The following FRMPD4 variants were observed in gnomAD, a reference collection of about 807,000 sequenced individuals.
The protein encoded by FRMPD4 is FERM and PDZ domain containing 4, also known as FERM and PDZ domain-containing protein 4.
A neutral mutation model predicts 94.1 loss-of-function variants in FRMPD4; 22 were observed. That is an observed-to-expected ratio of 0.23 (90% CI 0.17 to 0.33). The LOEUF (loss-of-function observed/expected upper bound fraction) is 0.33. FRMPD4 is among the 10% of genes least tolerant of loss of function. The probability of loss-of-function intolerance (pLI) is 1.00; values close to 1 mark genes in which losing one functional copy is unlikely to be tolerated. For synonymous variants in FRMPD4, 631 were observed against 548.6 expected (o/e 1.15, Z -2.10); for missense variants, 1,111 against 1,339.9 (o/e 0.83, Z 2.67).
At chrX:12,517,739 G>T (rs965860019) in intron 2 of FRMPD4, among the ~76,000 whole-genome samples, 3 of 112,593 alleles carry the variant, frequency 2.7e-5, no homozygotes, top group Non-Finnish European at 5.6e-5. Flanking sequence ...TGGCAGAGGG[G>T]GTGTGCCGCA....
chrX:12,461,094 A>C (rs770524017), intron 1 of FRMPD4, among the ~76,000 whole-genome samples: 4 of 112,020 alleles, frequency 3.6e-5, no homozygotes, highest in Admixed American at 9.5e-5. Flanking sequence ...AGCTTAAAGC[A>C]TGACCTATAT....
intron 1 of FRMPD4, among the ~76,000 whole-genome samples, chrX:12,202,308 A>C (rs1349000132): frequency 1.8e-5 from 2 of 112,301 alleles, no homozygotes; most frequent in African/African-American, 6.5e-5. Flanking sequence ...GTGCATGTTG[A>C]TGTCAAAATG....
chrX:11,858,716 A>T (rs1251679938), intron 1 of FRMPD4, among the ~76,000 whole-genome samples: 2 of 111,751 alleles, frequency 1.8e-5, no homozygotes, highest in Non-Finnish European at 3.8e-5. Context: ...AAGAAATAAG[A>T]ATGCTTATTA....
At chrX:11,845,429 C>T (rs1458681521) in intron 1 of FRMPD4, among the ~76,000 whole-genome samples, 1 of 111,044 alleles carries the variant, frequency 9.0e-6, no homozygotes, top group Middle Eastern at 4.2e-3. Flanking sequence ...GATGGATTCA[C>T]AGCCGAATTC....
At chrX:12,670,024 T>C (rs2059823047) in intron 4 of FRMPD4, among the ~76,000 whole-genome samples, 1 of 112,341 alleles carries the variant, frequency 8.9e-6, no homozygotes. Context: ...TCCAGGGCCT[T>C]GCCTGCTCCT....
chrX:11,848,523 T>C (rs1189814230), intron 1 of FRMPD4, among the ~76,000 whole-genome samples: 2 of 109,998 alleles, frequency 1.8e-5, no homozygotes, highest in African/African-American at 6.6e-5. Context: ...TTTTTTTTTT[T>C]CATTAGGTCC....
chrX:12,098,597 T>A (rs991428977), intron 3 of FRMPD4, among the ~76,000 whole-genome samples: 1 of 112,029 alleles, frequency 8.9e-6, no homozygotes, highest in Non-Finnish European at 1.9e-5. Context: ...GATCAGATGG[T>A]TTATGTTTGC....
At chrX:11,975,678 C>T (rs1253949080) in intron 3 of FRMPD4, among the ~76,000 whole-genome samples, 3 of 111,219 alleles carry the variant, frequency 2.7e-5, no homozygotes, top group Non-Finnish European at 5.7e-5. Flanking sequence ...TGTAATTCTT[C>T]GTTAAAAATA....
At chrX:12,334,117 C>T (rs1232806155) in intron 1 of FRMPD4, among the ~76,000 whole-genome samples, 1 of 111,954 alleles carries the variant, frequency 8.9e-6, no homozygotes, top group Non-Finnish European at 1.9e-5. Flanking sequence ...CCCTGTAAAA[C>T]ACAAAATATT....
intron 1 of FRMPD4, among the ~76,000 whole-genome samples, chrX:12,185,089 A>T (rs1040644771): frequency 8.9e-6 from 1 of 111,754 alleles, no homozygotes; most frequent in African/African-American, 3.2e-5. Flanking sequence ...TGCCTGTATC[A>T]AAACATCTCA....
rs189093482 is a variant in FRMPD4 at position 12,015,711 on chromosome X, C to A, written c.95+137693C>A. On this transcript the variant is annotated intron_variant, in intron 3 of 18. Coordinates refer to the FRMPD4 transcript ENST00000640291. Reference sequence around the variant, plus strand: ...ATACAGTTAGTCTTCAAGGGATGTTCTTTAGAATAGCAAGAAATACAGCTG... The same window carrying A: ...ATACAGTTAGTCTTCAAGGGATGTTATTTAGAATAGCAAGAAATACAGCTG... 2.5e-3 allele frequency among the ~76,000 whole-genome samples: 285 copies of A among 112,226 alleles called. 1 individual carries two copies. Among genetic ancestry groups the A allele is most frequent in the African/African-American group, 8.9e-3 (275 of 30,953 alleles).
At chrX:12,157,557 C>A (rs756725912) in intron 1 of FRMPD4, among the ~76,000 whole-genome samples, 47 of 111,763 alleles carry the variant, frequency 4.2e-4, no homozygotes, top group South Asian at 2.3e-3. Context: ...TCCCCGTAAC[C>A]ACAGGTGTCA....
At chrX:12,698,619 A>G (rs1681958823) in intron 9 of FRMPD4, among the ~76,000 whole-genome samples, 2 of 108,959 alleles carry the variant, frequency 1.8e-5, no homozygotes, top group Admixed American at 9.7e-5. Context: ...CCAAATATAT[A>G]TATATTTGGA....
intron 1 of FRMPD4, among the ~76,000 whole-genome samples, chrX:12,386,674 T>C (rs990448033): frequency 1.8e-5 from 2 of 112,067 alleles, no homozygotes; most frequent in Non-Finnish European, 3.8e-5. Context: ...GTTTACCTAA[T>C]ATGTCACTGG....
intron 1 of FRMPD4, among the ~76,000 whole-genome samples, chrX:12,464,245 A>C (rs2057426080): frequency 8.9e-6 from 1 of 111,800 alleles, no homozygotes; most frequent in African/African-American, 3.3e-5. Context: ...GGGAGACCTC[A>C]TAGCCAGGCC....
At chrX:12,571,453 TC>T (rs1246837432) in intron 2 of FRMPD4, among the ~76,000 whole-genome samples, 3 of 112,724 alleles carry the variant, frequency 2.7e-5, no homozygotes, top group African/African-American at 9.7e-5. Flanking sequence ...CCTGCCTGTT[TC>T]CCCTTTCTCC....
intron 3 of FRMPD4, among the ~76,000 whole-genome samples, chrX:12,011,577 T>G (rs2054580596): frequency 8.9e-6 from 1 of 111,949 alleles, no homozygotes; most frequent in South Asian, 3.7e-4. Flanking sequence ...CAAGCAACCT[T>G]GAAGTACTGG....
chrX:12,428,410 A>G (rs779377777), intron 1 of FRMPD4, among the ~76,000 whole-genome samples: 1 of 111,863 alleles, frequency 8.9e-6, no homozygotes, highest in African/African-American at 3.2e-5. Context: ...AATTTTCACC[A>G]GGGTCTAACA....
chrX:12,512,077 C>T (rs975079940), intron 2 of FRMPD4, among the ~76,000 whole-genome samples: 2 of 112,075 alleles, frequency 1.8e-5, no homozygotes, highest in African/African-American at 3.2e-5. Flanking sequence ...GCAAAATCTT[C>T]CGTTAGCAAA....
Sources: gnomAD v4.1 joint callset for allele counts (sites outside exome capture counted in the v4.1 genomes callset) on GRCh38, gnomAD v4.1.1 for gene constraint, MANE v1.5 for transcripts, NCBI Gene and HGNC (gene_info 2026-07-23, HGNC 2026-07-21) for gene names.